KLHL13: variants seen among roughly 807,000 people sequenced by gnomAD.
KLHL13 encodes kelch-like protein 13.
KLHL13 carries 10 observed loss-of-function variants against 37.1 expected under a neutral mutation model. The ratio of observed to expected loss-of-function variants is 0.27; its 90% CI spans 0.17 to 0.46. KLHL13 has a LOEUF of 0.46. KLHL13 is among the 20% of genes least tolerant of loss of function. KLHL13 has a pLI of 1.00. For synonymous variants in KLHL13, 163 were observed against 181.2 expected (o/e 0.90, Z 0.81); for missense variants, 360 against 509.3 (o/e 0.71, Z 2.82).
chrX:118,053,765 TTGTGTG>T (rs774059071), intron 1 of KLHL13, among the ~76,000 whole-genome samples: 7 of 67,917 alleles, frequency 1.0e-4, no homozygotes, highest in African/African-American at 2.8e-4. Context: ...CAATCTCAAT[TTGTGTG>T]TGTGTGTGTG....
intron 1 of KLHL13, among the ~76,000 whole-genome samples, chrX:117,997,230 C>T (rs2053864542): frequency 9.5e-6 from 1 of 105,730 alleles, no homozygotes; most frequent in African/African-American, 3.6e-5. Context: ...TACTGACACA[C>T]TCTCTTATGG....
chrX:117,937,228 G>A (rs1932791891), intron 2 of KLHL13, among the ~76,000 whole-genome samples: 1 of 112,245 alleles, frequency 8.9e-6, no homozygotes, highest in Admixed American at 9.5e-5. Context: ...CCCTGTTAGT[G>A]CTTGGCCTTA....
At chrX:118,084,625 TTCAATA>T (rs963079126) in intron 1 of KLHL13, among the ~76,000 whole-genome samples, 10 of 111,775 alleles carry the variant, frequency 8.9e-5, no homozygotes, top group Non-Finnish European at 1.5e-4. Flanking sequence ...CAAGGCTGTT[TTCAATA>T]TCAATCACAA....
Position 117,983,640 on chromosome X carries a change from T to A in KLHL13, c.-55-38065A>T, listed in dbSNP as rs779656804. ...GCATACCCTGACAGCATTTTAGCTG[T>A]AAATTAATAAACCATATTTATAAAT... On this transcript the variant is annotated intron_variant, in intron 1 of 6. Coordinates refer to the KLHL13 transcript ENST00000371882. 2.9e-4 allele frequency: 144 copies of A among 493,100 alleles called. No individual in the cohort carries two copies. In the East Asian group the frequency reaches 5.2e-3, roughly 18 times the overall value. 40.6% of individuals were successfully genotyped at this position (493,100 alleles called of 1,213,427 possible). A position where few individuals can be genotyped will look rare whatever the true frequency, so the allele number is the denominator to read the frequency against.
intron 1 of KLHL13, among the ~76,000 whole-genome samples, chrX:118,019,625 G>A (rs1465615584): frequency 4.5e-5 from 5 of 111,121 alleles, no homozygotes; most frequent in African/African-American, 1.6e-4. Flanking sequence ...TATGGTTTTA[G>A]GTCTAACGTT....
intron 2 of KLHL13, among the ~76,000 whole-genome samples, chrX:117,943,124 T>C (rs1933134299): frequency 9.0e-6 from 1 of 111,644 alleles, no homozygotes; most frequent in Non-Finnish European, 1.9e-5. Flanking sequence ...GGTTGAAAAT[T>C]CTTTTGCTTA....
chrX:118,067,606 T>G (rs1272487621), intron 1 of KLHL13, among the ~76,000 whole-genome samples: 1 of 111,760 alleles, frequency 8.9e-6, no homozygotes, highest in Non-Finnish European at 1.9e-5. Flanking sequence ...CCTTATTCTA[T>G]AATCCTTATT....
intron 1 of KLHL13, among the ~76,000 whole-genome samples, chrX:118,007,988 G>A (rs1480966414): frequency 8.9e-6 from 1 of 111,852 alleles, no homozygotes; most frequent in African/African-American, 3.2e-5. Context: ...AGTGTCGAAT[G>A]GAGGGAAGGG....
intron 1 of KLHL13, among the ~76,000 whole-genome samples, chrX:118,010,946 G>A (rs2054059372): frequency 1.8e-5 from 2 of 109,103 alleles, no homozygotes; most frequent in Admixed American, 9.9e-5. Flanking sequence ...GGTGGCACAC[G>A]CCTGTCGTCC....
intron 4 of KLHL13, among the ~76,000 whole-genome samples, chrX:117,911,440 G>C (rs182247723): frequency 1.6e-3 from 178 of 111,932 alleles, no homozygotes; most frequent in Non-Finnish European, 2.5e-3. Context: ...GGATATACAT[G>C]CAGAACGTGC....
intron 1 of KLHL13, among the ~76,000 whole-genome samples, chrX:118,091,342 T>C (rs199947657): frequency 9.0e-6 from 1 of 111,687 alleles, no homozygotes; most frequent in East Asian, 2.8e-4. Context: ...CTGACAAAGA[T>C]TTTAAAGTAG....
chrX:118,062,785 C>T (rs1353363834), intron 1 of KLHL13, among the ~76,000 whole-genome samples: 1 of 110,842 alleles, frequency 9.0e-6, no homozygotes, highest in Non-Finnish European at 1.9e-5. Context: ...AGGGTAAGGT[C>T]AACGTCTGAC....
At chrX:118,019,698 G>T (rs1310851658) in intron 1 of KLHL13, among the ~76,000 whole-genome samples, 1 of 110,432 alleles carries the variant, frequency 9.1e-6, no homozygotes, top group Non-Finnish European at 1.9e-5. Context: ...TCCAGTTTCA[G>T]CTTTCTACAT....
At chrX:118,043,305 C>G (rs776486649) in intron 1 of KLHL13, among the ~76,000 whole-genome samples, 1 of 111,406 alleles carries the variant, frequency 9.0e-6, no homozygotes, top group African/African-American at 3.3e-5. Context: ...TTTTACCAAA[C>G]CTTTCCAGAA....
At chrX:117,955,523 T>C (rs1277780348) in intron 1 of KLHL13, among the ~76,000 whole-genome samples, 1 of 111,594 alleles carries the variant, frequency 9.0e-6, no homozygotes, top group African/African-American at 3.3e-5. Flanking sequence ...TTTCAATGAA[T>C]GTAGGAAAAA....
chrX:117,967,279 G>C (rs991986301), intron 1 of KLHL13, among the ~76,000 whole-genome samples: 1 of 111,508 alleles, frequency 9.0e-6, no homozygotes, highest in Non-Finnish European at 1.9e-5. Flanking sequence ...AAAGTCTTGA[G>C]GATATAAAGC....
intron 1 of KLHL13, chrX:117,947,950 AT>A (rs1178262856): frequency 8.9e-6 from 1 of 112,496 alleles, no homozygotes; most frequent in Non-Finnish European, 1.9e-5. Flanking sequence ...AAGAAAAAAA[AT>A]AACAGTTTTT....
chrX:117,935,210 G>GA (rs201514400), intron 2 of KLHL13, among the ~76,000 whole-genome samples: 1,825 of 112,081 alleles, frequency 0.016, 35 homozygotes, highest in African/African-American at 0.055. Flanking sequence ...CAAAATGTAT[G>GA]AAAAAAATGC....
chrX:118,028,038 A>C (rs888027026), intron 1 of KLHL13, among the ~76,000 whole-genome samples: 1 of 111,964 alleles, frequency 8.9e-6, no homozygotes, highest in Non-Finnish European at 1.9e-5. Flanking sequence ...AATAATATAA[A>C]TATATACAAT....
Sources: allele counts gnomAD v4.1 joint callset (sites outside exome capture counted in the v4.1 genomes callset), GRCh38; gene constraint gnomAD v4.1.1; transcripts MANE v1.5; gene names NCBI Gene and HGNC (gene_info 2026-07-23, HGNC 2026-07-21).